The following MALRD1 variants were observed in gnomAD, a reference collection of about 807,000 sequenced individuals.
The protein encoded by MALRD1 is MAM and LDL-receptor class A domain-containing protein 1.
A neutral mutation model predicts 242.1 loss-of-function variants in MALRD1; 247 were observed. The ratio of observed to expected loss-of-function variants is 1.02; its 90% CI spans 0.92 to 1.13. The LOEUF (loss-of-function observed/expected upper bound fraction) is 1.13, where lower values mean the gene tolerates loss of function less well. Among genes scored for constraint, MALRD1 ranks in the 50% most tolerant of loss-of-function variants. The probability of loss-of-function intolerance (pLI) is 0.00; values close to 1 mark genes in which losing one functional copy is unlikely to be tolerated. For missense variants in MALRD1, 2,989 were observed against 2,533.1 expected (o/e 1.18, Z -3.86); for synonymous variants, 995 against 866.6 (o/e 1.15, Z -2.60).
intron 28 of MALRD1, among the ~76,000 whole-genome samples, chr10:19,437,629 C>G (rs1315794519): frequency 6.6e-6 from 1 of 151,884 alleles, no homozygotes; most frequent in Non-Finnish European, 1.5e-5. Context: ...TCATTTTTTG[C>G]ATTTTGCTTA....
intron 20 of MALRD1, 42 bp downstream of exon 20, chr10:19,280,265 T>C (rs750565579): frequency 1.1e-4 from 148 of 1,391,792 alleles, no homozygotes; most frequent in Middle Eastern, 7.6e-4. Flanking sequence ...TGCTACAAAA[T>C]AGAAAATGCA....
At chr10:19,562,317 ATAGATAGATAGATAGATAGATAGATAGT>A (rs1273860751) in intron 32 of MALRD1, among the ~76,000 whole-genome samples, 1 of 137,326 alleles carries the variant, frequency 7.3e-6, no homozygotes, top group African/African-American at 3.6e-5. Context: ...AGATAGATAG[ATAGATAGATAGATAGATAGATAGATAGT>A]TAGATAGATA....
intron 28 of MALRD1, among the ~76,000 whole-genome samples, chr10:19,417,413 A>T (rs911748528): frequency 6.6e-6 from 1 of 152,154 alleles, no homozygotes; most frequent in African/African-American, 2.4e-5. Context: ...AATACTTAAG[A>T]GTTTTTGAAA....
At chr10:19,388,634 T>C (rs1216768638) in intron 27 of MALRD1, among the ~76,000 whole-genome samples, 1 of 151,974 alleles carries the variant, frequency 6.6e-6, no homozygotes, top group Non-Finnish European at 1.5e-5. Context: ...GCCATGAAAA[T>C]TTAACTTTAA....
intron 28 of MALRD1, among the ~76,000 whole-genome samples, chr10:19,432,873 A>AT (rs1308973120): frequency 6.6e-6 from 1 of 152,222 alleles, no homozygotes; most frequent in African/African-American, 2.4e-5. Flanking sequence ...TACTGTGAAC[A>AT]TTTCAAAGAG....
intron 14 of MALRD1, among the ~76,000 whole-genome samples, chr10:19,197,421 G>C (rs1836315021): frequency 6.6e-6 from 1 of 152,018 alleles, no homozygotes; most frequent in Admixed American, 6.6e-5. Context: ...CATCCCAGTT[G>C]GTTCCCATCT....
At chr10:19,539,518 T>C (rs1446085246) in intron 32 of MALRD1, among the ~76,000 whole-genome samples, 1 of 152,162 alleles carries the variant, frequency 6.6e-6, no homozygotes, top group Non-Finnish European at 1.5e-5. Context: ...TACATTTGGT[T>C]TGAATTTTAA....
At chr10:19,126,033 C>A (rs1347857657) in intron 7 of MALRD1, among the ~76,000 whole-genome samples, 2 of 151,764 alleles carry the variant, frequency 1.3e-5, no homozygotes, top group Non-Finnish European at 2.9e-5. Flanking sequence ...AATAATTTAT[C>A]TGGTCATACA....
At chr10:19,727,404 A>G (rs1835081802) in intron 38 of MALRD1, among the ~76,000 whole-genome samples, 1 of 152,198 alleles carries the variant, frequency 6.6e-6, no homozygotes, top group Non-Finnish European at 1.5e-5. Context: ...TTAGAAGTAT[A>G]AATATGCTCG....
chr10:19,364,061 T>TA (rs948056945), intron 26 of MALRD1, among the ~76,000 whole-genome samples: 9 of 151,970 alleles, frequency 5.9e-5, no homozygotes, highest in Non-Finnish European at 1.3e-4. Context: ...CCAAAAAAGT[T>TA]AAAAAATATC....
chr10:19,162,265 A>G (rs1047578394), intron 12 of MALRD1, among the ~76,000 whole-genome samples: 8 of 151,940 alleles, frequency 5.3e-5, no homozygotes, highest in Non-Finnish European at 1.2e-4. Context: ...TTGACGTAGA[A>G]TAGATTATCT....
chr10:19,109,805 G>C (rs1836610791), intron 5 of MALRD1, among the ~76,000 whole-genome samples: 1 of 152,200 alleles, frequency 6.6e-6, no homozygotes, highest in Admixed American at 6.5e-5. Context: ...AAGGCACAAT[G>C]TGCGCTCCTT....
chr10:19,136,643 T>C lies in MALRD1; in HGVS notation c.1273T>C (p.Cys425Arg). 2 of 1,231,616 alleles carry C rather than the reference T, an allele frequency of 1.6e-6. No individual in the cohort carries two copies. The highest frequency in any genetic ancestry group is 2.0e-6 in the Non-Finnish European group (2 of 987,878). 76.3% of individuals were successfully genotyped at this position (1,231,616 alleles called of 1,614,324 possible). A position where few individuals can be genotyped will look rare whatever the true frequency, so the allele number is the denominator to read the frequency against. ...CCTTGATCACCTCTGGGTCTATGCC[T>C]GTGGACAGACCCAATCCAGAAAGCT... ...IALDHLWVYA[C>R]GQTQSRKLCS... The change falls in exon 10 of 40, where the codon TGT (cysteine) becomes CGT (arginine). Residue 425 changes from cysteine to arginine, a missense_variant. By Grantham distance (180) the Cys-to-Arg change is radical. Coordinates refer to ENST00000454679, the MANE Select transcript of MALRD1 (RefSeq NM_001142308.3).
intron 31 of MALRD1, among the ~76,000 whole-genome samples, chr10:19,515,594 C>G (rs926084056): frequency 3.3e-5 from 5 of 152,058 alleles, no homozygotes; most frequent in African/African-American, 9.6e-5. Context: ...GAGTCTCGCT[C>G]TGTTGCCCAG....
intron 34 of MALRD1, among the ~76,000 whole-genome samples, chr10:19,599,904 C>T (rs1390754107): frequency 2.0e-5 from 3 of 152,110 alleles, no homozygotes; most frequent in Non-Finnish European, 4.4e-5. Context: ...CAAATCCAAT[C>T]GTACACCAGA....
chr10:19,524,859 T>C (rs1834030778), intron 31 of MALRD1, among the ~76,000 whole-genome samples: 1 of 151,986 alleles, frequency 6.6e-6, no homozygotes, highest in Non-Finnish European at 1.5e-5. Flanking sequence ...ACTGAAGCTG[T>C]CAAAGCATAC....
intron 11 of MALRD1, among the ~76,000 whole-genome samples, chr10:19,149,089 T>C (rs1448433488): frequency 4.0e-5 from 6 of 151,052 alleles, no homozygotes; most frequent in African/African-American, 1.5e-4. Context: ...TCTATCTATC[T>C]ATCTATCTAT....
chr10:19,307,008 A>T (rs1353635899), intron 21 of MALRD1, among the ~76,000 whole-genome samples: 1 of 151,540 alleles, frequency 6.6e-6, no homozygotes, highest in Non-Finnish European at 1.5e-5. Flanking sequence ...AACATATCAG[A>T]AGGAGAACCA....
At position 19,171,429 on chromosome 10, in the gene MALRD1, C is replaced by CATATAT. The variant is rs71387049; in HGVS notation, c.1831-3755_1831-3750dup. On this transcript the variant is annotated intron_variant, in intron 13 of 39. Transcript: ENST00000454679. The stretch of plus-strand genomic sequence containing the variant: ...GTCACAACATTTTATATTTTATATA[C>CATATAT]ATATATATATATATATATATATATA... Among the ~76,000 whole-genome samples, 194 of 61,414 alleles carry CATATAT rather than the reference C, an allele frequency of 3.2e-3. 3 individuals are homozygous for CATATAT. The highest frequency in any genetic ancestry group is 0.011 in the Middle Eastern group (1 of 90). The allele number at this position is 61,414 out of a possible 152,430, so 40.3% of individuals were successfully genotyped here.
Sources: gnomAD v4.1 joint callset for allele counts (sites outside exome capture counted in the v4.1 genomes callset) on GRCh38, gnomAD v4.1.1 for gene constraint, MANE v1.5 for transcripts, NCBI Gene and HGNC (gene_info 2026-07-23, HGNC 2026-07-21) for gene names.